CD99L2: variants seen among roughly 807,000 people sequenced by gnomAD.
CD99L2 encodes CD99 antigen-like protein 2.
Under a neutral mutation model 27.3 loss-of-function variants are expected in CD99L2, and 24 were observed. The observed-to-expected ratio is 0.88, with a 90% confidence interval of 0.64 to 1.24. The LOEUF is 1.24. CD99L2 is among the 50% of genes most tolerant of loss of function. The probability of loss-of-function intolerance (pLI) is 0.00; values close to 1 mark genes in which losing one functional copy is unlikely to be tolerated. For missense variants in CD99L2, 255 were observed against 221.6 expected (o/e 1.15, Z -0.96); for synonymous variants, 97 against 87.9 (o/e 1.10, Z -0.58).
At chrX:150,885,784 A>G (rs781818122) in intron 1 of CD99L2, among the ~76,000 whole-genome samples, 14 of 112,334 alleles carry the variant, frequency 1.2e-4, no homozygotes, top group Non-Finnish European at 2.3e-4. Context: ...TTATTGTGCA[A>G]TTTGATTTCT....
At chrX:150,857,239 T>G (rs190193000) in intron 1 of CD99L2, among the ~76,000 whole-genome samples, 1 of 111,437 alleles carries the variant, frequency 9.0e-6, no homozygotes, top group Non-Finnish European at 1.9e-5. Flanking sequence ...GCAGGGAATA[T>G]AGACATCCAG....
chrX:150,777,388 T>G, intron 8 of CD99L2, 56 bp downstream of exon 8: 17 of 1,190,358 alleles, frequency 1.4e-5, no homozygotes, highest in East Asian at 3.0e-5. Flanking sequence ...TTTGGGGTCC[T>G]GAGATTCATT....
At chrX:150,892,605 CAAAAAAAAAAAA>C (rs782464097) in intron 1 of CD99L2, among the ~76,000 whole-genome samples, 2 of 30,196 alleles carry the variant, frequency 6.6e-5, no homozygotes, top group African/African-American at 2.3e-4. Flanking sequence ...GACTCTGTCT[CAAAAAAAAAAAA>C]AAAAAAAAAA....
rs782400412 is a variant in CD99L2, at chrX:150,770,310, G to A, written c.715C>T (p.Pro239Ser). Residue 239 changes from proline (P) to serine (S), a missense_variant, in exon 10 of 11, where the codon CCC becomes TCC. Pro to Ser is a moderately conservative substitution (Grantham distance 74). Coordinates refer to ENST00000370377, the MANE Select transcript of CD99L2 (RefSeq NM_031462.4). ...GTGAGTACAAAGTTCTCACCTTGGG[G>A]TTCCTCACATACCACGGCTTCCAGG... ...ENLEAVVCEEPQVKYSTLHTQ... is the reference protein window; with the variant it reads ...ENLEAVVCEESQVKYSTLHTQ... The A allele has an allele frequency of 3.3e-6, 4 of 1,210,191 alleles. No homozygotes were observed. The Admixed American group carries it at 6.5e-5, about 20-fold the overall frequency.
At chrX:150,777,395 C>A (rs373946943) in intron 8 of CD99L2, 49 bp downstream of exon 8, 22 of 1,202,355 alleles carry the variant, frequency 1.8e-5, no homozygotes, top group Non-Finnish European at 2.5e-5. Flanking sequence ...TCCTGAGATT[C>A]ATTTTCCTTT....
At chrX:150,889,105 A>G (rs2047459960) in intron 1 of CD99L2, among the ~76,000 whole-genome samples, 1 of 112,916 alleles carries the variant, frequency 8.9e-6, no homozygotes, top group African/African-American at 3.2e-5. Flanking sequence ...TTTAAGATAC[A>G]TGTGACTATG....
chrX:150,816,157 C>T, intron 2 of CD99L2, 79 bp from the exon 3 acceptor site: 1 of 976,849 alleles, frequency 1.0e-6, no homozygotes, highest in Non-Finnish European at 1.5e-6. Flanking sequence ...TTGGGGAAGT[C>T]ACATTGTGAG....
chrX:150,877,775 C>T (rs2047252279), intron 1 of CD99L2, among the ~76,000 whole-genome samples: 1 of 110,630 alleles, frequency 9.0e-6, no homozygotes. Context: ...GCTGTGATCG[C>T]ACCACTGCAT....
chrX:150,776,324 G>C (rs2043552112), intron 8 of CD99L2, 31 bp from the exon 9 acceptor site: 1 of 1,175,487 alleles, frequency 8.5e-7, no homozygotes, highest in East Asian at 3.1e-5. Context: ...AATGAGGACA[G>C]GTGAGGTCAG....
intron 1 of CD99L2, among the ~76,000 whole-genome samples, chrX:150,850,628 C>G (rs782314401): frequency 8.9e-6 from 1 of 112,156 alleles, no homozygotes; most frequent in Admixed American, 9.4e-5. Context: ...AAAGGATGAT[C>G]TTATTTGTGT....
intron 1 of CD99L2, among the ~76,000 whole-genome samples, chrX:150,862,886 G>GAAAAGAAAAGA (rs1557421941): frequency 2.8e-5 from 3 of 108,705 alleles, no homozygotes; most frequent in African/African-American, 1.0e-4. Context: ...GAAAAAGAAA[G>GAAAAGAAAAGA]AAAGAAAAGA....
At position 150,792,712 on chromosome X, in the gene CD99L2, C is replaced by G. The variant is rs139110840; in HGVS notation, c.496+979G>C. On this transcript the variant is annotated intron_variant, in intron 7 of 10. Transcript: ENST00000370377. ...AATTTGCCATTGCAACAGGTTACAA[C>G]CAGGGTTACCACAATTTACCATCAT... 4.1e-3 allele frequency among the ~76,000 whole-genome samples: 455 copies of G among 111,878 alleles called. 2 individuals carry two copies. Among genetic ancestry groups the G allele is most frequent in the African/African-American group, 0.014 (437 of 30,774 alleles).
intron 7 of CD99L2, among the ~76,000 whole-genome samples, chrX:150,778,683 AAAATAT>A (rs58659575): frequency 0.17 from 4,533 of 27,102 alleles, 98 homozygotes; most frequent in South Asian, 0.32. Flanking sequence ...TAAAAAAAAA[AAAATAT>A]ATATATATAT....
intron 6 of CD99L2, 141 bp downstream of exon 6, chrX:150,795,065 C>T: frequency 1.6e-6 from 1 of 624,339 alleles, no homozygotes; most frequent in Admixed American, 2.9e-5. Context: ...TCAGGAGTCC[C>T]CAGACCAAAA....
intron 7 of CD99L2, among the ~76,000 whole-genome samples, chrX:150,782,257 CAAAG>C (rs782017799): frequency 1.8e-5 from 2 of 112,209 alleles, no homozygotes; most frequent in South Asian, 3.7e-4. Context: ...AATGAATAAA[CAAAG>C]AGAAGAAAAT....
At position 150,768,004 on chromosome X, in the gene CD99L2, G is replaced by C. The variant is rs1183661695; in HGVS notation, c.*1030C>G. 2.7e-5 allele frequency: 3 copies of C among 112,268 alleles called. No individual in the cohort carries two copies. The highest frequency in any genetic ancestry group is 5.6e-5 in the Non-Finnish European group (3 of 53,228). 9.3% of individuals were successfully genotyped at this position (112,268 alleles called of 1,213,427 possible). On this transcript the variant is annotated 3_prime_UTR_variant, in exon 11 of 11. Coordinates refer to ENST00000370377, the MANE Select transcript of CD99L2 (RefSeq NM_031462.4). ...ATGGCTCCCCACGCACTCTCCCTCAGAGCAGACAAGTAGGCTGACCACAGA... is the reference window on the plus strand; with the variant it reads ...ATGGCTCCCCACGCACTCTCCCTCACAGCAGACAAGTAGGCTGACCACAGA...
intron 10 of CD99L2, among the ~76,000 whole-genome samples, chrX:150,769,919 T>C (rs1557418960): frequency 8.8e-6 from 1 of 113,217 alleles, no homozygotes; most frequent in Non-Finnish European, 1.9e-5. Flanking sequence ...CCAAGTTCCC[T>C]CTTGCCTGTG....
intron 1 of CD99L2, among the ~76,000 whole-genome samples, chrX:150,873,532 C>T (rs1483990916): frequency 1.8e-5 from 2 of 112,000 alleles, no homozygotes; most frequent in Non-Finnish European, 3.8e-5. Context: ...TTGAATTGCA[C>T]ACTTTAAAAT....
chrX:150,803,906 T>C (rs927815355), intron 4 of CD99L2, among the ~76,000 whole-genome samples: 9 of 111,981 alleles, frequency 8.0e-5, no homozygotes, highest in African/African-American at 2.3e-4. Context: ...AAAAGAAAAA[T>C]TGATACATCC....
Sources: gnomAD v4.1 joint callset for allele counts (sites outside exome capture counted in the v4.1 genomes callset) on GRCh38, gnomAD v4.1.1 for gene constraint, MANE v1.5 for transcripts, NCBI Gene and HGNC (gene_info 2026-07-23, HGNC 2026-07-21) for gene names.